Variants in ADAM23 observed in about 807,000 individuals in gnomAD.
The protein encoded by ADAM23 is disintegrin and metalloproteinase domain-containing protein 23.
Under a neutral mutation model 120.1 loss-of-function variants are expected in ADAM23, and 33 were observed. The observed-to-expected ratio is 0.27, with a 90% CI of 0.21 to 0.37. The LOEUF is 0.37. Among genes scored for constraint, ADAM23 ranks in the 10% least tolerant of loss-of-function variants. The pLI is 1.00. For synonymous variants in ADAM23, 367 were observed against 375.2 expected, an observed-to-expected ratio of 0.98 and a Z score of 0.25; for missense variants, 862 against 1,058.2, an observed-to-expected ratio of 0.81 and a Z score of 2.57.
At chr2:206,537,738 A>G (rs1037154637) in intron 4 of ADAM23, among the ~76,000 whole-genome samples, 8 of 152,108 alleles carry the variant, frequency 5.3e-5, no homozygotes, top group Non-Finnish European at 1.0e-4. Context: ...TTCCACTCCT[A>G]TACTAAAAAT....
At chr2:206,538,943 A>G (rs1193178896) in intron 4 of ADAM23, among the ~76,000 whole-genome samples, 1 of 152,154 alleles carries the variant, frequency 6.6e-6, no homozygotes, top group Non-Finnish European at 1.5e-5. Flanking sequence ...GTAATACCAG[A>G]GAACTGGATC....
At chr2:206,536,688 T>C (rs2105802690) in intron 4 of ADAM23, among the ~76,000 whole-genome samples, 1 of 152,280 alleles carries the variant, frequency 6.6e-6, no homozygotes, top group Non-Finnish European at 1.5e-5. Flanking sequence ...CAAAATATCA[T>C]GTTGTATATT....
intron 3 of ADAM23, among the ~76,000 whole-genome samples, chr2:206,530,142 T>C (rs1228804055): frequency 6.6e-6 from 1 of 152,236 alleles, no homozygotes; most frequent in African/African-American, 2.4e-5. Flanking sequence ...TTGAAAAAAA[T>C]CAAAAGAAGG....
intron 25 of ADAM23, among the ~76,000 whole-genome samples, chr2:206,616,555 G>A (rs1384588722): frequency 1.3e-5 from 2 of 152,154 alleles, no homozygotes; most frequent in African/African-American, 4.8e-5. Flanking sequence ...CCTATTTTGA[G>A]CTTTGGTATT....
At chr2:206,519,638 C>A (rs574087785) in intron 3 of ADAM23, among the ~76,000 whole-genome samples, 4 of 152,242 alleles carry the variant, frequency 2.6e-5, no homozygotes, top group African/African-American at 9.6e-5. Flanking sequence ...GTGTTCTTAT[C>A]TACCATACTG....
At chr2:206,491,875 A>G (rs1053157885) in intron 3 of ADAM23, among the ~76,000 whole-genome samples, 1 of 152,172 alleles carries the variant, frequency 6.6e-6, no homozygotes, top group South Asian at 2.1e-4. Context: ...TTTTTCTTAA[A>G]TGGGTTTCTC....
intron 3 of ADAM23, among the ~76,000 whole-genome samples, chr2:206,513,348 A>G (rs2105784262): frequency 6.6e-6 from 1 of 151,136 alleles, no homozygotes; most frequent in Admixed American, 6.6e-5. Flanking sequence ...AAAGTGAAAC[A>G]GCCTTGTTGC....
At chr2:206,594,971 T>C in intron 23 of ADAM23, 66 bp downstream of exon 23, 1 of 1,572,908 alleles carries the variant, frequency 6.4e-7, no homozygotes, top group Non-Finnish European at 8.7e-7. Context: ...GACTGGACTT[T>C]AATTTCAGCC....
chr2:206,602,682 A>G (rs934951300), intron 24 of ADAM23, among the ~76,000 whole-genome samples: 36 of 152,168 alleles, frequency 2.4e-4, no homozygotes, highest in African/African-American at 8.2e-4. Context: ...AACCCACTCA[A>G]TTTCAAAACA....
In ADAM23 at chr2:206,462,654, G is replaced by C. The variant is rs545388296; in HGVS notation, c.432+17130G>C. On this transcript the variant is annotated intron_variant, in intron 2 of 25. Coordinates refer to ENST00000264377, the MANE Select transcript of ADAM23 (RefSeq NM_003812.4). ...CTTGGAGACTCAGCAAGAACAGCTG[G>C]AACCCAAGTACCCCCATTTAAGGAT... Among the ~76,000 whole-genome samples, 14 of 152,228 alleles carry C rather than the reference G, an allele frequency of 9.2e-5. No homozygotes were observed. In the South Asian group the frequency reaches 2.9e-3, roughly 32 times the overall value.
intron 2 of ADAM23, among the ~76,000 whole-genome samples, chr2:206,455,014 C>T (rs779539769): frequency 1.9e-4 from 29 of 152,228 alleles, no homozygotes; most frequent in African/African-American, 1.2e-4. Context: ...TCTCACAGCT[C>T]CAATAGGCAG....
At chr2:206,593,957 T>G (rs911762717) in intron 22 of ADAM23, among the ~76,000 whole-genome samples, 1 of 151,424 alleles carries the variant, frequency 6.6e-6, no homozygotes, top group East Asian at 2.0e-4. Context: ...TATCTAAACA[T>G]AGAAAAGTCA....
intron 18 of ADAM23, among the ~76,000 whole-genome samples, chr2:206,581,900 G>A (rs1484226833): frequency 6.6e-6 from 1 of 150,952 alleles, no homozygotes; most frequent in Non-Finnish European, 1.5e-5. Context: ...TTTTTGAGAT[G>A]GAGTTTCGCT....
intron 5 of ADAM23, 139 bp downstream of exon 5, chr2:206,542,273 T>C (rs576501057): frequency 1.3e-6 from 1 of 768,714 alleles, no homozygotes; most frequent in East Asian, 2.7e-5. Flanking sequence ...GAGGGCAATG[T>C]CCCTGTCCTC....
intron 17 of ADAM23, among the ~76,000 whole-genome samples, chr2:206,572,174 A>G (rs1361552939): frequency 6.6e-6 from 1 of 152,190 alleles, no homozygotes; most frequent in African/African-American, 2.4e-5. Flanking sequence ...ATTTTTCTTC[A>G]AAACTTACCC....
rs115639642 is a variant in ADAM23 at position 206,514,711 on chromosome 2, T to C, written c.510-16174T>C. ...CTACAGAGAAATCTTTCATGAAGAG[T>C]CAATCAATGAGACAAACTTCATTGT... On this transcript the variant is annotated intron_variant, in intron 3 of 25. Coordinates refer to ENST00000264377, the MANE Select transcript of ADAM23 (RefSeq NM_003812.4). Among the ~76,000 whole-genome samples the C allele has an allele frequency of 3.3e-3, 508 of 152,104 alleles. 3 individuals carry two copies. The highest frequency in any genetic ancestry group is 0.011 in the African/African-American group (477 of 41,480).
chr2:206,589,265 A>G (rs1286696806), intron 20 of ADAM23, 144 bp from the exon 21 acceptor site: 6 of 617,102 alleles, frequency 9.7e-6, no homozygotes, highest in Non-Finnish European at 1.6e-5. Context: ...AATTTATACC[A>G]TGGAAACTTG....
chr2:206,488,678 T>C (rs1696065205), intron 3 of ADAM23, among the ~76,000 whole-genome samples: 1 of 152,082 alleles, frequency 6.6e-6, no homozygotes, highest in African/African-American at 2.4e-5. Context: ...TCCTCCTGGG[T>C]AGAGTACAAA....
intron 9 of ADAM23, among the ~76,000 whole-genome samples, chr2:206,551,318 G>A (rs1474511230): frequency 6.6e-6 from 1 of 152,128 alleles, no homozygotes; most frequent in Non-Finnish European, 1.5e-5. Flanking sequence ...GATCTGATGG[G>A]AGCTGGCTCC....
Sources: allele counts gnomAD v4.1 joint callset (sites outside exome capture counted in the v4.1 genomes callset), GRCh38; gene constraint gnomAD v4.1.1; transcripts MANE v1.5; gene names NCBI Gene and HGNC (gene_info 2026-07-23, HGNC 2026-07-21).